The following CDH11 variants were observed in gnomAD, a reference collection of about 807,000 sequenced individuals.
CDH11 encodes cadherin 11, also known as cadherin-11.
CDH11 carries 11 observed loss-of-function variants against 67.8 expected under a neutral mutation model. The ratio of observed to expected loss-of-function variants is 0.16; its 90% CI spans 0.10 to 0.27. CDH11 has a LOEUF of 0.27. CDH11 is among the 10% of genes least tolerant of loss of function. The pLI is 1.00. For missense variants in CDH11, 847 were observed against 1,031.2 expected (o/e 0.82, Z 2.45); for synonymous variants, 419 against 400.0 (o/e 1.05, Z -0.57).
In CDH11 at chr16:64,988,743, C is replaced by T. The variant is rs72790873; in HGVS notation, c.812-399G>A. On this transcript the variant is annotated intron_variant, in intron 6 of 12. Coordinates refer to ENST00000268603, the MANE Select transcript of CDH11 (RefSeq NM_001797.4). ...ACTCCAAGGCTCACTTATGGTATTGCGAAGAGCCCAGAAAAAAAAAATTCT... is the reference window on the plus strand; with the variant it reads ...ACTCCAAGGCTCACTTATGGTATTGTGAAGAGCCCAGAAAAAAAAAATTCT... Among the ~76,000 whole-genome samples, 564 of 152,076 alleles carry T rather than the reference C, an allele frequency of 3.7e-3. 1 individual carries two copies. Among genetic ancestry groups the T allele is most frequent in the Non-Finnish European group, 6.0e-3 (410 of 67,992 alleles).
chr16:65,113,288 A>C (rs1185701240), intron 1 of CDH11, among the ~76,000 whole-genome samples: 1 of 56,480 alleles, frequency 1.8e-5, no homozygotes, highest in Non-Finnish European at 3.8e-5. Context: ...TCCATCTCAG[A>C]AAAAAAAAAA....
chr16:65,092,339 C>T (rs1416429314), intron 1 of CDH11, among the ~76,000 whole-genome samples: 1 of 152,150 alleles, frequency 6.6e-6, no homozygotes, highest in East Asian at 1.9e-4. Flanking sequence ...ACTCCCAGGC[C>T]AATGTTCCTT....
At chr16:65,051,703 T>G (rs1220968626) in intron 2 of CDH11, among the ~76,000 whole-genome samples, 1 of 152,200 alleles carries the variant, frequency 6.6e-6, no homozygotes, top group Non-Finnish European at 1.5e-5. Flanking sequence ...GTTCTTGTGA[T>G]ACTGAGTGAG....
chr16:65,041,227 C>A (rs1454261226), intron 2 of CDH11, among the ~76,000 whole-genome samples: 1 of 152,142 alleles, frequency 6.6e-6, no homozygotes, highest in African/African-American at 2.4e-5. Flanking sequence ...TATTTTCTTT[C>A]TCCTCCAGCA....
In CDH11 at chr16:64,945,922, T is replaced by G. The variant is rs1756560345; in HGVS notation, c.*1681A>C. ...TGTAGGGGGAAAGAGGGAAAGCACT[T>G]GCAGTGTGACTTTATGTGGTCTTTC... On this transcript the variant is annotated 3_prime_UTR_variant, in exon 13 of 13. Coordinates refer to ENST00000268603, the MANE Select transcript of CDH11 (RefSeq NM_001797.4). The G allele has an allele frequency of 1.9e-6, 2 of 1,058,260 alleles. No homozygotes were observed. Among genetic ancestry groups the G allele is most frequent in the Middle Eastern group, 4.2e-4 (1 of 2,390 alleles). The allele number at this position is 1,058,260 out of a possible 1,614,324, so 65.6% of individuals were successfully genotyped here.
Position 64,944,286 on chromosome 16 carries a change from T to C in CDH11, c.*3317A>G. 1 of 233,048 alleles carries C rather than the reference T, an allele frequency of 4.3e-6. No individual in the cohort carries two copies. Among genetic ancestry groups the C allele is most frequent in the East Asian group, 6.0e-5 (1 of 16,536 alleles). 14.4% of individuals were successfully genotyped at this position (233,048 alleles called of 1,614,324 possible). A position where few individuals can be genotyped will look rare whatever the true frequency, so the allele number is the denominator to read the frequency against. ...CAAGAGGTGGGGTCAGTCTTCCGGG[T>C]CAGAGATGACCATGGCCCAGACCAG... On this transcript the variant is annotated 3_prime_UTR_variant, in exon 13 of 13. Coordinates refer to ENST00000268603, the MANE Select transcript of CDH11 (RefSeq NM_001797.4).
intron 1 of CDH11, among the ~76,000 whole-genome samples, chr16:65,080,573 C>A (rs954421525): frequency 1.4e-4 from 22 of 152,274 alleles, no homozygotes; most frequent in African/African-American, 4.6e-4. Context: ...AAGTTGAATT[C>A]TTCATGTGAG....
intron 1 of CDH11, among the ~76,000 whole-genome samples, chr16:65,120,832 G>T (rs569426595): frequency 6.6e-6 from 1 of 152,266 alleles, no homozygotes; most frequent in Non-Finnish European, 1.5e-5. Context: ...GGACCCGCAA[G>T]CCTCCCCCGA....
At chr16:65,052,815 AT>A (rs1452959171) in intron 2 of CDH11, among the ~76,000 whole-genome samples, 1 of 152,236 alleles carries the variant, frequency 6.6e-6, no homozygotes, top group Non-Finnish European at 1.5e-5. Flanking sequence ...TTTGACTTGC[AT>A]TTGAACGGTG....
At chr16:64,969,268 G>T (rs2071935124) in intron 11 of CDH11, among the ~76,000 whole-genome samples, 2 of 152,164 alleles carry the variant, frequency 1.3e-5, no homozygotes, top group African/African-American at 2.4e-5. Context: ...CATATAAAAA[G>T]AAAATGTACA....
chr16:64,973,521 T>C (rs1468600031), intron 8 of CDH11, among the ~76,000 whole-genome samples: 1 of 152,142 alleles, frequency 6.6e-6, no homozygotes, highest in Non-Finnish European at 1.5e-5. Flanking sequence ...TAAAGAAAAA[T>C]GCAGCCTGGT....
chr16:64,954,838 C>T (rs1385231474), intron 11 of CDH11, among the ~76,000 whole-genome samples: 1 of 151,846 alleles, frequency 6.6e-6, no homozygotes, highest in East Asian at 1.9e-4. Flanking sequence ...GGCATGGTGG[C>T]TCATGCCTGT....
At chr16:65,101,132 T>C (rs1040364275) in intron 1 of CDH11, among the ~76,000 whole-genome samples, 1 of 152,226 alleles carries the variant, frequency 6.6e-6, no homozygotes, top group Non-Finnish European at 1.5e-5. Flanking sequence ...TATGTTCTAA[T>C]AACATTTCCA....
chr16:65,122,128 GTGCGGGGC>G, upstream of CDH11: 1 of 503,884 alleles, frequency 2.0e-6, no homozygotes. Flanking sequence ...GGGCAGGCGG[GTGCGGGGC>G]GGGGGGGGCG....
rs767336257 is a variant in CDH11, at chr16:64,991,851, C to A, written c.728G>T (p.Gly243Val). Residue 243 changes from glycine (G) to valine (V), a missense_variant, in exon 6 of 13, where the codon GGA (glycine) becomes GTA (valine). Coordinates refer to ENST00000268603, the MANE Select transcript of CDH11 (RefSeq NM_001797.4). ...HVVIQAKDMG[G>V]HMGGLSGTTK... ...TGTCCCTGAGAGTCCGCCCATATGT[C>A]CACCCATGTCCTTGGCCTGGATCAC... is the stretch of plus-strand genomic sequence containing the variant. The A allele has an allele frequency of 6.2e-7, 1 of 1,613,826 alleles. No homozygotes were observed. The highest frequency in any genetic ancestry group is 8.5e-7 in the Non-Finnish European group (1 of 1,179,738).
Position 65,122,060 on chromosome 16 carries a change from G to A in CDH11, c.-478C>T, listed in dbSNP as rs1201297256. ...CTCCCCTCAGCTGGCGGCGGCCGCG[G>A]AATGAGCCGCCGAGCGCGCTAGTGG... On this transcript the variant is annotated 5_prime_UTR_variant, in exon 1 of 13. Coordinates refer to ENST00000268603, the MANE Select transcript of CDH11 (RefSeq NM_001797.4). 16 of 498,782 alleles carry A rather than the reference G, an allele frequency of 3.2e-5. No homozygotes were observed. Among genetic ancestry groups the A allele is most frequent in the Non-Finnish European group, 4.9e-5 (13 of 267,326 alleles). The allele number at this position is 498,782 out of a possible 1,614,324, so 30.9% of individuals were successfully genotyped here.
Position 64,972,938 on chromosome 16 carries a change from G to A in CDH11, c.1356C>T (p.Ala452=), listed in dbSNP as rs763160539. ...TTKPLDREET[A]WLNITVFAAE... Reference sequence around the variant, plus strand: ...CTGCAAAGACAGTGATGTTGAGCCAGGCTGTTTCCTCTCTATCCAGAGGTT... The same window carrying A: ...CTGCAAAGACAGTGATGTTGAGCCAAGCTGTTTCCTCTCTATCCAGAGGTT... The change falls in exon 9 of 13, where the codon GCC becomes GCT. Residue 452 remains alanine, a synonymous_variant. Coordinates refer to ENST00000268603, the MANE Select transcript of CDH11 (RefSeq NM_001797.4). 6.2e-7 allele frequency: 1 copy of A among 1,613,874 alleles called. No homozygotes were observed. Among genetic ancestry groups the A allele is most frequent in the Middle Eastern group, 1.6e-4 (1 of 6,062 alleles).
chr16:64,949,469 C>T lies in CDH11; in HGVS notation c.1894+1298G>A, dbSNP rs191866349. ...GAGACAGAGTTTTGCTCTTGTTGCC[C>T]AGGCTGAAGTGCAACGGCGCCATCT... On this transcript the variant is annotated intron_variant, in intron 12 of 12. Coordinates refer to ENST00000268603, the MANE Select transcript of CDH11 (RefSeq NM_001797.4). Among the ~76,000 whole-genome samples the T allele has an allele frequency of 4.3e-3, 633 of 146,068 alleles. 3 individuals carry two copies. The highest frequency in any genetic ancestry group is 0.015 in the African/African-American group (595 of 39,162).
intron 8 of CDH11, among the ~76,000 whole-genome samples, chr16:64,976,789 A>G (rs1020682426): frequency 6.6e-6 from 1 of 152,186 alleles, no homozygotes; most frequent in Non-Finnish European, 1.5e-5. Flanking sequence ...CGGAGGTTGC[A>G]GTGAGCTGGG....
Sources: allele counts gnomAD v4.1 joint callset (sites outside exome capture counted in the v4.1 genomes callset), GRCh38; gene constraint gnomAD v4.1.1; transcripts MANE v1.5; gene names NCBI Gene and HGNC (gene_info 2026-07-23, HGNC 2026-07-21).